The following KCNIP4 variants were observed in gnomAD, a reference collection of about 807,000 sequenced individuals.
KCNIP4 encodes the protein potassium voltage-gated channel interacting protein 4.
A neutral mutation model predicts 34.0 loss-of-function variants in KCNIP4; 12 were observed. The observed-to-expected ratio is 0.35, with a 90% CI of 0.23 to 0.57. The LOEUF (loss-of-function observed/expected upper bound fraction) is 0.57, where lower values mean the gene tolerates loss of function less well. Among genes scored for constraint, KCNIP4 ranks in the 20% least tolerant of loss-of-function variants. The pLI is 0.83. For synonymous variants in KCNIP4, 124 were observed against 102.2 expected, an observed-to-expected ratio of 1.21 and a Z score of -1.29; for missense variants, 238 against 311.7, an observed-to-expected ratio of 0.76 and a Z score of 1.78.
chr4:21,268,250 C>CAG (rs61651687), intron 1 of KCNIP4, among the ~76,000 whole-genome samples: 68,295 of 151,744 alleles, frequency 0.45, 16,283 homozygotes, highest in African/African-American at 0.6. Flanking sequence ...ATTCAAGTCT[C>CAG]TGTGTATTTT....
At chr4:21,622,133 A>T (rs1313598045) in intron 1 of KCNIP4, among the ~76,000 whole-genome samples, 1 of 152,230 alleles carries the variant, frequency 6.6e-6, no homozygotes. Context: ...GCCTGGAATC[A>T]TTGGTACCTT....
At chr4:21,658,135 G>A (rs533066213) in intron 1 of KCNIP4, among the ~76,000 whole-genome samples, 2 of 152,244 alleles carry the variant, frequency 1.3e-5, no homozygotes, top group African/African-American at 4.8e-5. Context: ...ACCGCTCCCA[G>A]CCTAAATGTA....
chr4:21,325,294 C>T (rs1240082419), intron 1 of KCNIP4, among the ~76,000 whole-genome samples: 1 of 151,276 alleles, frequency 6.6e-6, no homozygotes, highest in African/African-American at 2.4e-5. Context: ...AATTGGCCTG[C>T]TAAGGTTTTG....
intron 1 of KCNIP4, among the ~76,000 whole-genome samples, chr4:21,655,511 GTA>G (rs1389003857): frequency 2.6e-5 from 4 of 152,098 alleles, no homozygotes; most frequent in African/African-American, 9.7e-5. Flanking sequence ...CTGTTTTAGA[GTA>G]TATTTGTGAT....
chr4:20,805,186 C>CTTTTT lies in KCNIP4; in HGVS notation c.288+45352_288+45356dup, dbSNP rs10552321. On this transcript the variant is annotated intron_variant, in intron 3 of 8. Coordinates refer to ENST00000382152, the MANE Select transcript of KCNIP4 (RefSeq NM_025221.6). ...AAGCAGAAAATATCATAGATGCTTCCTTTTTTTTTTTTTTTTTTTTTTTTT... is the reference window on the plus strand; with the variant it reads ...AAGCAGAAAATATCATAGATGCTTCCTTTTTTTTTTTTTTTTTTTTTTTTTTTTTT... Among the ~76,000 whole-genome samples, 98 of 92,106 alleles carry CTTTTT rather than the reference C, an allele frequency of 1.1e-3. 6 individuals carry two copies. The East Asian group carries it at 0.023, about 22-fold the overall frequency. 60.4% of individuals were successfully genotyped at this position (92,106 alleles called of 152,430 possible).
chr4:21,618,630 C>CTTTTTTTTTTTTTTTT (rs58967707), intron 1 of KCNIP4, among the ~76,000 whole-genome samples: 9 of 81,776 alleles, frequency 1.1e-4, no homozygotes, highest in Non-Finnish European at 2.0e-4. Flanking sequence ...TTTTCTTTTT[C>CTTTTTTTTTTTTTTTT]TTTTTTTTTT....
rs538731937 is a variant in KCNIP4 at position 21,037,905 on chromosome 4, G to A, written c.62-155196C>T. 7.2e-4 allele frequency among the ~76,000 whole-genome samples: 110 copies of A among 152,190 alleles called. 1 individual carries two copies. The highest frequency in any genetic ancestry group is 3.4e-3 in the Middle Eastern group (1 of 294). On this transcript the variant is annotated intron_variant, in intron 1 of 8. Transcript: ENST00000382152. ...CTTTCTCATTAATGACTTCCACTGTGTTTCTCCCATAATTAGTTTTATAAA... is the reference window on the plus strand; with the variant it reads ...CTTTCTCATTAATGACTTCCACTGTATTTCTCCCATAATTAGTTTTATAAA...
At chr4:20,798,147 G>A (rs1427984741) in intron 3 of KCNIP4, among the ~76,000 whole-genome samples, 1 of 152,052 alleles carries the variant, frequency 6.6e-6, no homozygotes, top group Admixed American at 6.6e-5. Flanking sequence ...TCGTTATGAC[G>A]AGTTTTTAAC....
chr4:21,301,964 T>C (rs1283865382), intron 1 of KCNIP4, among the ~76,000 whole-genome samples: 1 of 152,216 alleles, frequency 6.6e-6, no homozygotes, highest in African/African-American at 2.4e-5. Context: ...TTCCTTAATG[T>C]GGTTATCAAC....
intron 1 of KCNIP4, among the ~76,000 whole-genome samples, chr4:21,934,593 C>T (rs987542261): frequency 2.0e-5 from 3 of 152,058 alleles, no homozygotes; most frequent in African/African-American, 7.2e-5. Context: ...TAACTGCATG[C>T]ACCACCAAAC....
rs576122943 is a variant in KCNIP4, at chr4:21,192,915, T to TCTACTACTA, written c.62-310215_62-310207dup. Reference sequence around the variant, plus strand: ...CACCCCCCAGCCCTGCCGCCCCGTCTCTACTACTACTACTACTACTACTAC... The same window carrying TCTACTACTA: ...CACCCCCCAGCCCTGCCGCCCCGTCTCTACTACTACTACTACTACTACTACTACTACTAC... On this transcript the variant is annotated intron_variant, in intron 1 of 8. Coordinates refer to ENST00000382152, the MANE Select transcript of KCNIP4 (RefSeq NM_025221.6). 2.4e-4 allele frequency among the ~76,000 whole-genome samples: 23 copies of TCTACTACTA among 94,280 alleles called. 1 individual carries two copies. The highest frequency in any genetic ancestry group is 1.3e-3 in the African/African-American group (19 of 14,600). The allele number at this position is 94,280 out of a possible 152,430, so 61.9% of individuals were successfully genotyped here. A position where few individuals can be genotyped will look rare whatever the true frequency, so the allele number is the denominator to read the frequency against.
chr4:21,364,221 C>G (rs1719500728), intron 1 of KCNIP4, among the ~76,000 whole-genome samples: 1 of 151,990 alleles, frequency 6.6e-6, no homozygotes, highest in Non-Finnish European at 1.5e-5. Flanking sequence ...TTTGAAAATT[C>G]CTAAATTCAT....
intron 1 of KCNIP4, among the ~76,000 whole-genome samples, chr4:21,859,157 C>T (rs1724920638): frequency 6.6e-6 from 1 of 152,136 alleles, no homozygotes; most frequent in Non-Finnish European, 1.5e-5. Context: ...AAACAATCTT[C>T]CAGCAACTTG....
chr4:21,018,649 C>A (rs1739763766), intron 1 of KCNIP4, among the ~76,000 whole-genome samples: 1 of 152,122 alleles, frequency 6.6e-6, no homozygotes, highest in Non-Finnish European at 1.5e-5. Context: ...AACTTCCCTT[C>A]CCCCTCTCCT....
At chr4:21,552,004 TGTGAAG>T (rs1738620567) in intron 1 of KCNIP4, among the ~76,000 whole-genome samples, 1 of 150,282 alleles carries the variant, frequency 6.7e-6, no homozygotes, top group Non-Finnish European at 1.5e-5. Context: ...TCTAGGTTAT[TGTGAAG>T]ATTGAAAAAA....
Position 21,515,095 on chromosome 4 carries a change from T to C in KCNIP4, c.61+433476A>G, listed in dbSNP as rs1036091328. Among the ~76,000 whole-genome samples, 22 of 152,142 alleles carry C rather than the reference T, an allele frequency of 1.4e-4. 1 individual carries two copies. The highest frequency in any genetic ancestry group is 2.9e-4 in the Non-Finnish European group (20 of 68,028). ...CTCCTTTTCTCTAGAAATGATTTCT[T>C]CCTTCTTTACCAAGCTGGTTTCCAC... On this transcript the variant is annotated intron_variant, in intron 1 of 8. Transcript: ENST00000382152.
At chr4:21,689,904 T>C (rs1367949388) in intron 1 of KCNIP4, among the ~76,000 whole-genome samples, 1 of 151,840 alleles carries the variant, frequency 6.6e-6, no homozygotes, top group Admixed American at 6.6e-5. Context: ...AGGGTTTTAT[T>C]CACCCTCCTT....
intron 1 of KCNIP4, among the ~76,000 whole-genome samples, chr4:20,893,618 C>G (rs1489534459): frequency 6.8e-6 from 1 of 147,240 alleles, no homozygotes; most frequent in African/African-American, 2.5e-5. Flanking sequence ...GAAATGGGGT[C>G]TTGCGATGTT....
chr4:21,913,745 A>T (rs1411484725), intron 1 of KCNIP4, among the ~76,000 whole-genome samples: 1 of 152,186 alleles, frequency 6.6e-6, no homozygotes, highest in East Asian at 1.9e-4. Context: ...AACAAGGACT[A>T]TTGAAAAAAA....
Sources: allele counts gnomAD v4.1 joint callset (sites outside exome capture counted in the v4.1 genomes callset), GRCh38; gene constraint gnomAD v4.1.1; transcripts MANE v1.5; gene names NCBI Gene and HGNC (gene_info 2026-07-23, HGNC 2026-07-21).